The following FRMD8 variants were observed in gnomAD, a reference collection of about 807,000 sequenced individuals.
The protein encoded by FRMD8 is FERM domain containing 8, also known as FERM domain-containing protein 8.
In FRMD8, 37 loss-of-function variants were observed where a neutral mutation model predicts 54.2. The ratio of observed to expected loss-of-function variants is 0.68; its 90% CI spans 0.53 to 0.90. The LOEUF is 0.90. FRMD8 is among the 40% of genes least tolerant of loss of function. The pLI is 0.00. For missense variants in FRMD8, 585 were observed against 653.7 expected, an observed-to-expected ratio of 0.89 and a Z score of 1.15; for synonymous variants, 246 against 286.9, an observed-to-expected ratio of 0.86 and a Z score of 1.44.
chr11:65,370,452 A>C, the FRMD8 span, among the ~76,000 whole-genome samples: 1 of 152,164 alleles, frequency 6.6e-6, no homozygotes, highest in African/African-American at 2.4e-5. Context: ...CTGTAATCCC[A>C]GCACTTTGGG....
intron 10 of FRMD8, among the ~76,000 whole-genome samples, chr11:65,405,273 G>A (rs891583784): frequency 3.9e-5 from 6 of 152,214 alleles, no homozygotes; most frequent in South Asian, 2.1e-4. Context: ...CGTCACAGAC[G>A]TTCTGCAGCA....
At chr11:65,392,974 A>G (rs540900621) in intron 3 of FRMD8, among the ~76,000 whole-genome samples, 2 of 152,214 alleles carry the variant, frequency 1.3e-5, no homozygotes, top group Non-Finnish European at 2.9e-5. Context: ...AGGAGATTTA[A>G]GAAGGCCAAG....
the FRMD8 span, chr11:65,377,499 G>A: frequency 2.1e-5 from 17 of 829,144 alleles, no homozygotes; most frequent in Non-Finnish European, 2.5e-5. Flanking sequence ...CTTTCCCAGG[G>A]TGAAGGAGGT....
rs979789912 is a variant in FRMD8, at chr11:65,389,032, G to A, written c.86-329G>A. On this transcript the variant is annotated intron_variant, in intron 2 of 10. Transcript: ENST00000317568. ...CAGTTGAATCCTTGGGGCAGCTATG[G>A]TGGTGAGGGGCAGGTTTGCAATGGC... is the stretch of plus-strand genomic sequence containing the variant. Among the ~76,000 whole-genome samples, 13 of 152,312 alleles carry A rather than the reference G, an allele frequency of 8.5e-5. No individual in the cohort carries two copies. In the East Asian group the frequency reaches 2.5e-3, roughly 29 times the overall value.
chr11:65,382,078 G>C (rs1416206949), upstream of FRMD8: 2 of 874,326 alleles, frequency 2.3e-6, no homozygotes, highest in East Asian at 2.5e-5. This position sits in a 1 kb window ranked among gnomAD's most constrained non-coding sequence, Gnocchi z 4.4. Context: ...GTGAGAATTG[G>C]CCTGGTGCCC....
chr11:65,376,542 GT>G, the FRMD8 span: 9 of 1,614,204 alleles, frequency 5.6e-6, no homozygotes, highest in Non-Finnish European at 7.6e-6. Context: ...TCACCATGCA[GT>G]CCAGCATCCC....
At position 65,404,275 on chromosome 11, in the gene FRMD8, T is replaced by C. The variant is rs1027196163; in HGVS notation, c.1072-589T>C. Among the ~76,000 whole-genome samples the C allele has an allele frequency of 3.9e-5, 6 of 152,278 alleles. No homozygotes were observed. The highest frequency in any genetic ancestry group is 1.4e-4 in the African/African-American group (6 of 41,558). ...CCTGTGTCCTAAGGGGTGCCACCCT[T>C]TTAACACCCTCTGCGACTCCCTCAA... is the stretch of plus-strand genomic sequence containing the variant. On this transcript the variant is annotated intron_variant, in intron 9 of 10. Transcript: ENST00000317568. This position sits in a 1 kb window ranked among gnomAD's most constrained non-coding sequence, Gnocchi z 4.7.
At chr11:65,407,363 T>C (rs1856224215) in intron 10 of FRMD8, among the ~76,000 whole-genome samples, 1 of 151,910 alleles carries the variant, frequency 6.6e-6, no homozygotes, top group African/African-American at 2.4e-5. Context: ...GCGATTCTCC[T>C]GCCTCAGCCT....
intron 10 of FRMD8, among the ~76,000 whole-genome samples, chr11:65,410,575 G>C (rs1272138232): frequency 2.0e-5 from 3 of 152,076 alleles, no homozygotes; most frequent in African/African-American, 7.2e-5. Flanking sequence ...CAGATCACGA[G>C]GTCAGGAGAT....
In FRMD8 at chr11:65,393,493, G is replaced by A. The variant is rs1855881784; in HGVS notation, c.254-80G>A. On this transcript the variant is annotated intron_variant, in intron 3 of 10. Coordinates refer to ENST00000317568, the MANE Select transcript of FRMD8 (RefSeq NM_031904.5). ...TACTATTGGTTGCGACTGTCGTCAT[G>A]CTGTGCGGTGTGATAGGTGGAAGGG... 5 of 1,037,810 alleles carry A rather than the reference G, an allele frequency of 4.8e-6. No individual in the cohort carries two copies. The East Asian group carries it at 1.2e-4, about 25-fold the overall frequency. 64.3% of individuals were successfully genotyped at this position (1,037,810 alleles called of 1,614,324 possible). A position where few individuals can be genotyped will look rare whatever the true frequency, so the allele number is the denominator to read the frequency against.
the FRMD8 span, chr11:65,379,187 T>G: frequency 4.2e-5 from 27 of 639,438 alleles, no homozygotes; most frequent in Admixed American, 8.3e-4. Flanking sequence ...TCTCTGCCTT[T>G]TGCCCCCTCT....
At chr11:65,381,783 C>G (rs1855572684), upstream of FRMD8, 2 of 1,142,360 alleles carry the variant, frequency 1.8e-6, no homozygotes, top group African/African-American at 1.5e-5. Context: ...GTCTCAAACT[C>G]CTGGGCTCAA....
chr11:65,396,435 C>T (rs1437970857), intron 6 of FRMD8, among the ~76,000 whole-genome samples: 2 of 152,150 alleles, frequency 1.3e-5, no homozygotes, highest in Non-Finnish European at 2.9e-5. Flanking sequence ...CAATCCTTGG[C>T]CTGCACCTGG....
chr11:65,393,821 T>G, intron 4 of FRMD8, 147 bp downstream of exon 4: 1 of 812,576 alleles, frequency 1.2e-6, no homozygotes, highest in Non-Finnish European at 2.0e-6. Context: ...CAGCCACCCC[T>G]GGCAGGGGAG....
At chr11:65,407,224 T>C (rs1038317280) in intron 10 of FRMD8, among the ~76,000 whole-genome samples, 1 of 109,610 alleles carries the variant, frequency 9.1e-6, no homozygotes, top group Non-Finnish European at 1.9e-5. Context: ...GTAACAAAGA[T>C]CTACATTTAT....
upstream of FRMD8, chr11:65,381,881 G>T (rs752179959): frequency 1.4e-5 from 22 of 1,613,586 alleles, 1 homozygote; most frequent in South Asian, 1.8e-4. Context: ...CTACCATTGG[G>T]TGTGATGTGA....
chr11:65,392,873 C>T (rs767015901), intron 3 of FRMD8, among the ~76,000 whole-genome samples: 5 of 152,106 alleles, frequency 3.3e-5, no homozygotes, highest in Non-Finnish European at 7.4e-5. Context: ...CCTGAATCAG[C>T]CAGCCACGGG....
At chr11:65,393,206 A>T (rs1855877410) in intron 3 of FRMD8, among the ~76,000 whole-genome samples, 1 of 152,186 alleles carries the variant, frequency 6.6e-6, no homozygotes, top group South Asian at 2.1e-4. Flanking sequence ...CCCAGTTGTC[A>T]ATTTCCAGTT....
rs1404241757 is a variant in FRMD8, at chr11:65,389,763, G to A, written c.253+235G>A. Reference sequence around the variant, plus strand: ...CTGCTGGTGGTGGAGGAGTGGACACGCCTGCCCCCCAGGTCGTGCTGGGAC... The same window carrying A: ...CTGCTGGTGGTGGAGGAGTGGACACACCTGCCCCCCAGGTCGTGCTGGGAC... On this transcript the variant is annotated intron_variant, in intron 3 of 10. Transcript: ENST00000317568. 3.9e-5 allele frequency among the ~76,000 whole-genome samples: 6 copies of A among 152,252 alleles called. No homozygotes were observed. In the South Asian group the frequency reaches 6.2e-4, roughly 16 times the overall value.
Sources: gnomAD v4.1 joint callset for allele counts (sites outside exome capture counted in the v4.1 genomes callset) on GRCh38, gnomAD v4.1.1 for gene constraint, Gnocchi (gnomAD v3.1) non-coding constraint, MANE v1.5 for transcripts, NCBI Gene and HGNC (gene_info 2026-07-23, HGNC 2026-07-21) for gene names.